The following ADGRL3 variants were observed in gnomAD, a reference collection of about 807,000 sequenced individuals.
ADGRL3 encodes calcium-independent alpha-latrotoxin receptor 3.
A neutral mutation model predicts 153.5 loss-of-function variants in ADGRL3; 62 were observed. That is an observed-to-expected ratio of 0.40 (90% CI 0.33 to 0.50). ADGRL3 has a LOEUF of 0.50. Among genes scored for constraint, ADGRL3 ranks in the 20% least tolerant of loss-of-function variants. The pLI is 0.47. For synonymous variants in ADGRL3, 710 were observed against 672.5 expected, an observed-to-expected ratio of 1.06 and a Z score of -0.86; for missense variants, 1,641 against 1,859.4, an observed-to-expected ratio of 0.88 and a Z score of 2.16.
intron 1 of ADGRL3, among the ~76,000 whole-genome samples, chr4:61,371,517 T>C (rs1387193318): frequency 1.3e-5 from 2 of 151,398 alleles, no homozygotes; most frequent in Admixed American, 6.6e-5. Context: ...TATGAAATTC[T>C]GGGTTGAAAA....
intron 2 of ADGRL3, among the ~76,000 whole-genome samples, chr4:61,453,876 C>T (rs944899241): frequency 4.5e-4 from 69 of 152,148 alleles, no homozygotes; most frequent in African/African-American, 1.6e-3. Context: ...TAAGTAGTGG[C>T]ACTAGGAACA....
intron 8 of ADGRL3, among the ~76,000 whole-genome samples, chr4:61,754,954 A>C (rs944896167): frequency 3.9e-5 from 6 of 152,096 alleles, no homozygotes; most frequent in Admixed American, 6.6e-5. Context: ...TGAACTCATC[A>C]TTTTTTATGG....
chr4:61,560,965 G>T (rs1483706261), intron 4 of ADGRL3, among the ~76,000 whole-genome samples: 1 of 152,058 alleles, frequency 6.6e-6, no homozygotes, highest in African/African-American at 2.4e-5. Flanking sequence ...AAGATATATA[G>T]ATATTGGTAA....
intron 18 of ADGRL3, among the ~76,000 whole-genome samples, chr4:61,980,306 A>ATTTTTTTTTTT (rs756680977): frequency 4.0e-5 from 3 of 74,428 alleles, no homozygotes; most frequent in African/African-American, 5.1e-5. Flanking sequence ...GTAACCACTA[A>ATTTTTTTTTTT]TTTTTTTTTT....
At chr4:62,021,826 T>G (rs1265151354) in intron 21 of ADGRL3, among the ~76,000 whole-genome samples, 1 of 152,144 alleles carries the variant, frequency 6.6e-6, no homozygotes, top group Admixed American at 6.6e-5. Context: ...TAAATGTGTG[T>G]GTTCTGACTG....
rs1216413082 is a variant in ADGRL3, at chr4:62,071,057, T to A, written c.*149T>A. ...ACAAACTCTCAGACTTTTTTTTTTT[T>A]AATGGGATTTTTAGGTCAGCCCAGG... is the stretch of plus-strand genomic sequence containing the variant. On this transcript the variant is annotated 3_prime_UTR_variant, in exon 27 of 27. Coordinates refer to ENST00000683033, the MANE Select transcript of ADGRL3 (RefSeq NM_001387552.1). 2.9e-5 allele frequency: 20 copies of A among 692,330 alleles called. No individual in the cohort carries two copies. In the East Asian group the frequency reaches 3.6e-4, roughly 13 times the overall value. 42.9% of individuals were successfully genotyped at this position (692,330 alleles called of 1,614,324 possible). A position where few individuals can be genotyped will look rare whatever the true frequency, so the allele number is the denominator to read the frequency against.
intron 19 of ADGRL3, among the ~76,000 whole-genome samples, chr4:61,992,591 G>C (rs914308145): frequency 8.5e-5 from 13 of 152,174 alleles, no homozygotes; most frequent in African/African-American, 3.1e-4. Flanking sequence ...CCTTCCAGAA[G>C]AGAGTAAAGC....
rs919045810 is a variant in ADGRL3 at position 62,022,795 on chromosome 4, A to G, written c.3396-6060A>G. Among the ~76,000 whole-genome samples, 16 of 152,126 alleles carry G rather than the reference A, an allele frequency of 1.1e-4. No individual in the cohort carries two copies. In the East Asian group the frequency reaches 2.5e-3, roughly 24 times the overall value. ...CATGTTGAGACCTACTGCTCAGAAA[A>G]AAAAAAAAAATTCTTTCAAAATATT... On this transcript the variant is annotated intron_variant, in intron 21 of 26. Transcript: ENST00000683033.
At chr4:61,213,752 G>C (rs935231448) in intron 1 of ADGRL3, among the ~76,000 whole-genome samples, 12 of 152,062 alleles carry the variant, frequency 7.9e-5, no homozygotes, top group Non-Finnish European at 1.6e-4. Context: ...GACATACTAT[G>C]ATTTATTTAA....
chr4:61,643,003 C>T (rs919375318), intron 5 of ADGRL3, among the ~76,000 whole-genome samples: 42 of 152,284 alleles, frequency 2.8e-4, no homozygotes, highest in African/African-American at 9.9e-4. Context: ...AGGTCCTTCA[C>T]GTCCCTTGTA....
intron 1 of ADGRL3, among the ~76,000 whole-genome samples, chr4:61,309,750 T>C (rs2094928849): frequency 6.6e-6 from 1 of 152,098 alleles, no homozygotes; most frequent in African/African-American, 2.4e-5. Context: ...AAGTGAAAGA[T>C]AGGATTTAGT....
chr4:61,309,333 A>G (rs2094914763), intron 1 of ADGRL3, among the ~76,000 whole-genome samples: 1 of 152,064 alleles, frequency 6.6e-6, no homozygotes, highest in Admixed American at 6.6e-5. Context: ...AGTCATTTAA[A>G]CACCTTTTTC....
chr4:61,325,006 A>G (rs2095436514), intron 1 of ADGRL3, among the ~76,000 whole-genome samples: 1 of 152,160 alleles, frequency 6.6e-6, no homozygotes, highest in Admixed American at 6.6e-5. Context: ...TACTTTACTA[A>G]GTGCATTGCT....
chr4:62,031,212 T>C (rs546030860), intron 22 of ADGRL3, among the ~76,000 whole-genome samples: 35 of 151,766 alleles, frequency 2.3e-4, no homozygotes, highest in African/African-American at 8.4e-4. Flanking sequence ...AATCTGCTTT[T>C]GCTTAAATGA....
intron 1 of ADGRL3, among the ~76,000 whole-genome samples, chr4:61,365,086 A>C (rs2096370341): frequency 1.3e-5 from 2 of 152,190 alleles, no homozygotes; most frequent in Non-Finnish European, 2.9e-5. Flanking sequence ...AGTTAATATC[A>C]TTATGCCCAA....
chr4:61,998,289 T>C lies in ADGRL3; in HGVS notation c.3395+24T>C, dbSNP rs766901549. 8 of 1,299,694 alleles carry C rather than the reference T, an allele frequency of 6.2e-6. No individual in the cohort carries two copies. The Admixed American group carries it at 6.6e-5, about 11-fold the overall frequency. 80.5% of individuals were successfully genotyped at this position (1,299,694 alleles called of 1,614,324 possible). A position where few individuals can be genotyped will look rare whatever the true frequency, so the allele number is the denominator to read the frequency against. On this transcript the variant is annotated intron_variant, in intron 21 of 26. Coordinates refer to ENST00000683033, the MANE Select transcript of ADGRL3 (RefSeq NM_001387552.1). ...AAGTAAGTGATTTTTATTTTTGTTT[T>C]CTATAGGTTGTGTTACATTTATACT...
intron 2 of ADGRL3, among the ~76,000 whole-genome samples, chr4:61,432,795 A>G (rs1341180786): frequency 6.6e-6 from 1 of 151,244 alleles, no homozygotes; most frequent in African/African-American, 2.4e-5. Context: ...CTGGGGTTAT[A>G]GGCATGAGCC....
chr4:61,862,763 C>A (rs2098356198), intron 9 of ADGRL3, among the ~76,000 whole-genome samples: 1 of 152,108 alleles, frequency 6.6e-6, no homozygotes, highest in Admixed American at 6.6e-5. Flanking sequence ...GGGAGGTGAC[C>A]TAGGACTCTT....
chr4:61,250,201 A>T (rs1758706218), intron 1 of ADGRL3, among the ~76,000 whole-genome samples: 1 of 152,136 alleles, frequency 6.6e-6, no homozygotes, highest in African/African-American at 2.4e-5. Flanking sequence ...TATCCTTCTG[A>T]AATTTTGGGG....
Sources: allele counts gnomAD v4.1 joint callset (sites outside exome capture counted in the v4.1 genomes callset), GRCh38; gene constraint gnomAD v4.1.1; transcripts MANE v1.5; gene names NCBI Gene and HGNC (gene_info 2026-07-23, HGNC 2026-07-21).